The following PCDHA9 variants were observed in gnomAD, a reference collection of about 807,000 sequenced individuals.
PCDHA9 encodes protocadherin alpha-9.
Under a neutral mutation model 62.0 loss-of-function variants are expected in PCDHA9, and 62 were observed. That is an observed-to-expected ratio of 1.00 (90% CI 0.81 to 1.23). The LOEUF (loss-of-function observed/expected upper bound fraction) is 1.23. PCDHA9 is among the 50% of genes most tolerant of loss of function. PCDHA9 has a pLI of 0.00. For missense variants in PCDHA9, 1,205 were observed against 1,249.8 expected, an observed-to-expected ratio of 0.96 and a Z score of 0.54; for synonymous variants, 557 against 567.6, an observed-to-expected ratio of 0.98 and a Z score of 0.27.
intron 1 of PCDHA9, chr5:140,861,648 T>C (rs1380826146): frequency 1.0e-5 from 3 of 287,022 alleles, no homozygotes; most frequent in African/African-American, 6.6e-5. Context: ...AAAGAATCTG[T>C]TTCTGAAACG....
chr5:140,862,537 C>G (rs56017024), intron 1 of PCDHA9: 1 of 440,558 alleles, frequency 2.3e-6, no homozygotes, highest in Non-Finnish European at 4.6e-6. Context: ...CCATCGGGTC[C>G]GTGGAAGTGG....
intron 1 of PCDHA9, chr5:140,884,705 C>G (rs1156324848): frequency 3.4e-6 from 5 of 1,491,236 alleles, no homozygotes; most frequent in African/African-American, 1.4e-5. Flanking sequence ...AACACTTTAG[C>G]CTTCCTTGCA....
intron 1 of PCDHA9, among the ~76,000 whole-genome samples, chr5:140,903,855 AAT>A (rs2070667296): frequency 6.6e-6 from 1 of 152,186 alleles, no homozygotes; most frequent in Non-Finnish European, 1.5e-5. Context: ...CTTAACAAAT[AAT>A]ATAGAGTAAA....
intron 1 of PCDHA9, among the ~76,000 whole-genome samples, chr5:140,952,279 T>C (rs1222400527): frequency 6.7e-6 from 1 of 149,858 alleles, no homozygotes; most frequent in Non-Finnish European, 1.5e-5. Flanking sequence ...TTGAGGGTGG[T>C]GGCCCTCTTC....
chr5:140,857,717 G>T, intron 1 of PCDHA9: 1 of 1,597,518 alleles, frequency 6.3e-7, no homozygotes, highest in Non-Finnish European at 8.6e-7. Context: ...CGTGCTGGAC[G>T]AGAACGACAA....
intron 1 of PCDHA9, among the ~76,000 whole-genome samples, chr5:140,910,901 C>T (rs1433262630): frequency 6.6e-6 from 1 of 152,142 alleles, no homozygotes; most frequent in African/African-American, 2.4e-5. Context: ...CTATGCCTGT[C>T]CTCCAGATTT....
At chr5:140,942,667 CA>C (rs2153659637) in intron 1 of PCDHA9, among the ~76,000 whole-genome samples, 1 of 151,384 alleles carries the variant, frequency 6.6e-6, no homozygotes, top group South Asian at 2.1e-4. Flanking sequence ...GCAATAAGCA[CA>C]AAAGTTTTAG....
intron 1 of PCDHA9, among the ~76,000 whole-genome samples, chr5:140,951,153 G>T (rs1585399827): frequency 3.4e-5 from 1 of 29,832 alleles, no homozygotes; most frequent in Admixed American, 3.1e-4. Context: ...ATTGAATATA[G>T]TTATAGTAGC....
At chr5:140,851,653 A>G (rs1438249700) in intron 1 of PCDHA9, 1 of 911,018 alleles carries the variant, frequency 1.1e-6, no homozygotes, top group Non-Finnish European at 1.3e-6. Flanking sequence ...TCAAGAAGAC[A>G]TTCTCCTTTT....
At chr5:140,911,934 A>G (rs2075691303) in intron 1 of PCDHA9, among the ~76,000 whole-genome samples, 1 of 152,158 alleles carries the variant, frequency 6.6e-6, no homozygotes, top group East Asian at 1.9e-4. Flanking sequence ...AATAGGATAG[A>G]TGTATATATA....
Position 140,941,218 on chromosome 5 carries a change from T to C in PCDHA9, c.2395-37731T>C, listed in dbSNP as rs552463058. ...TTCTTTCTTCCTTTCTTTCTTCCTT[T>C]CTTTCTTTCTTTCTTTCTTTCTTTC... On this transcript the variant is annotated intron_variant, in intron 1 of 3. Transcript: ENST00000532602. 5.6e-5 allele frequency among the ~76,000 whole-genome samples: 7 copies of C among 125,730 alleles called. No homozygotes were observed. In the South Asian group the frequency reaches 7.6e-4, roughly 14 times the overall value. 82.5% of individuals were successfully genotyped at this position (125,730 alleles called of 152,430 possible). A position where few individuals can be genotyped will look rare whatever the true frequency, so the allele number is the denominator to read the frequency against.
intron 3 of PCDHA9, among the ~76,000 whole-genome samples, chr5:140,995,853 A>G (rs934469128): frequency 4.6e-5 from 7 of 152,220 alleles, no homozygotes. Context: ...TTTCTATCGT[A>G]TCACTTAATA....
intron 1 of PCDHA9, among the ~76,000 whole-genome samples, chr5:140,900,565 C>T (rs368765128): frequency 1.2e-4 from 19 of 152,248 alleles, no homozygotes; most frequent in South Asian, 1.2e-3. Context: ...GCGTGAGCCA[C>T]GGCACCGGCC....
chr5:141,009,724 T>C lies in PCDHA9; in HGVS notation c.2640T>C (p.Gly880=). ...KYGPGNPKQS[G]PGELPDKFII... The stretch of plus-strand genomic sequence containing the variant: ...GACCAGGCAACCCCAAACAATCCGG[T>C]CCCGGTGAGTTGCCCGACAAATTCA... Residue 880 remains glycine, a synonymous_variant, in exon 4 of 4, where the codon GGT becomes GGC. Transcript: ENST00000532602. 6.2e-7 allele frequency: 1 copy of C among 1,614,116 alleles called. No individual in the cohort carries two copies. Among genetic ancestry groups the C allele is most frequent in the South Asian group, 1.1e-5 (1 of 91,062 alleles).
rs2084561103 is a variant in PCDHA9 at position 140,927,726 on chromosome 5, A to G, written c.2395-51223A>G. On this transcript the variant is annotated intron_variant, in intron 1 of 3. Transcript: ENST00000532602. ...ACTCCCTAAGCAACAGCACGCAAGCAGAGCTGCGACACCGCTTTCACGTGC... is the reference window on the plus strand; with the variant it reads ...ACTCCCTAAGCAACAGCACGCAAGCGGAGCTGCGACACCGCTTTCACGTGC... 6 of 1,614,220 alleles carry G rather than the reference A, an allele frequency of 3.7e-6. No individual in the cohort carries two copies. The African/African-American group carries it at 8.0e-5, about 22-fold the overall frequency.
At chr5:140,877,729 C>G (rs1554170045) in intron 1 of PCDHA9, 2 of 1,614,168 alleles carry the variant, frequency 1.2e-6, no homozygotes, top group South Asian at 2.2e-5. Context: ...TTACTCGCAG[C>G]AGAGGAGGCA....
intron 1 of PCDHA9, among the ~76,000 whole-genome samples, chr5:140,886,254 CTA>C (rs1304679943): frequency 6.6e-6 from 1 of 151,720 alleles, no homozygotes; most frequent in Non-Finnish European, 1.5e-5. Flanking sequence ...AAAAGTATCT[CTA>C]TTTATAGATA....
At chr5:140,870,132 C>T (rs371110623) in intron 1 of PCDHA9, 43 of 1,613,852 alleles carry the variant, frequency 2.7e-5, no homozygotes, top group East Asian at 4.5e-5. Context: ...TGGACACCAA[C>T]GATAACTCTC....
At chr5:140,903,487 A>G (rs2070330722) in intron 1 of PCDHA9, among the ~76,000 whole-genome samples, 1 of 152,242 alleles carries the variant, frequency 6.6e-6, no homozygotes, top group South Asian at 2.1e-4. Context: ...TATAGTTCTG[A>G]GCAGGTACCA....
Sources: gnomAD v4.1 joint callset for allele counts (sites outside exome capture counted in the v4.1 genomes callset) on GRCh38, gnomAD v4.1.1 for gene constraint, MANE v1.5 for transcripts, NCBI Gene and HGNC (gene_info 2026-07-23, HGNC 2026-07-21) for gene names.